Variants in PCDH11X observed in about 807,000 individuals in gnomAD.
PCDH11X encodes the protein protocadherin-11 X-linked.
A neutral mutation model predicts 53.3 loss-of-function variants in PCDH11X; 18 were observed. The ratio of observed to expected loss-of-function variants is 0.34; its 90% CI spans 0.23 to 0.50. The LOEUF (loss-of-function observed/expected upper bound fraction) is 0.50, where lower values mean the gene tolerates loss of function less well. PCDH11X is among the 20% of genes least tolerant of loss of function. The probability of loss-of-function intolerance (pLI) is 0.98; values close to 1 mark genes in which losing one functional copy is unlikely to be tolerated. For missense variants in PCDH11X, 570 were observed against 1,032.4 expected (o/e 0.55, Z 6.14); for synonymous variants, 279 against 393.3 (o/e 0.71, Z 3.44).
chrX:92,222,531 G>A (rs1345098691), intron 7 of PCDH11X, among the ~76,000 whole-genome samples: 2 of 111,673 alleles, frequency 1.8e-5, no homozygotes. Context: ...TTTCTATGAT[G>A]TAGAATTCTT....
intron 6 of PCDH11X, among the ~76,000 whole-genome samples, chrX:91,929,485 C>T (rs1174756927): frequency 9.1e-6 from 1 of 110,316 alleles, no homozygotes; most frequent in Non-Finnish European, 1.9e-5. Flanking sequence ...TTGCCAAGAT[C>T]ACCAGCCTAG....
intron 6 of PCDH11X, among the ~76,000 whole-genome samples, chrX:92,162,698 C>T (rs2065664870): frequency 9.8e-6 from 1 of 101,643 alleles, no homozygotes; most frequent in South Asian, 4.8e-4. Flanking sequence ...TCTTCGGTAT[C>T]CTCAGCTGTG....
chrX:92,416,416 A>G (rs1472874655), intron 9 of PCDH11X, among the ~76,000 whole-genome samples: 2 of 110,976 alleles, frequency 1.8e-5, no homozygotes, highest in Non-Finnish European at 3.8e-5. Flanking sequence ...CTGTATAAAA[A>G]CATCTCATGT....
At position 92,622,745 on chromosome X, in the gene PCDH11X, T is replaced by TA. The variant is rs1158054837; in HGVS notation, c.*3809dup. 3.6e-5 allele frequency: 4 copies of TA among 109,675 alleles called. No individual in the cohort carries two copies. Among genetic ancestry groups the TA allele is most frequent in the Non-Finnish European group, 7.6e-5 (4 of 52,406 alleles). The allele number at this position is 109,675 out of a possible 1,213,427, so 9.0% of individuals were successfully genotyped here. A position where few individuals can be genotyped will look rare whatever the true frequency, so the allele number is the denominator to read the frequency against. On this transcript the variant is annotated 3_prime_UTR_variant, in exon 11 of 11. Coordinates refer to ENST00000682573, the MANE Select transcript of PCDH11X (RefSeq NM_032968.5). ...CCAGATCAATTTTATGCAGAGGCCT[T>TA]AAAATATTCTTTCACAGTAGCTTTC...
At position 92,119,454 on chromosome X, in the gene PCDH11X, G is replaced by A. The variant is rs1311648374; in HGVS notation, c.3034-81921G>A. ...AAAGCAATATGCTATTACAGAACCA[G>A]ACCTTATAGGCAACAAATTACCCAT... On this transcript the variant is annotated intron_variant, in intron 6 of 10. Transcript: ENST00000682573. 2.7e-5 allele frequency among the ~76,000 whole-genome samples: 3 copies of A among 110,916 alleles called. No homozygotes were observed. The East Asian group carries it at 8.5e-4, about 31-fold the overall frequency.
intron 6 of PCDH11X, chrX:91,883,955 C>T (rs1940064421): frequency 4.3e-6 from 3 of 700,001 alleles, no homozygotes; most frequent in East Asian, 1.6e-4. Context: ...TTTGGGAGGC[C>T]GAGGTGGGTG....
At chrX:91,916,966 G>A (rs1372508343) in intron 6 of PCDH11X, among the ~76,000 whole-genome samples, 1 of 111,299 alleles carries the variant, frequency 9.0e-6, no homozygotes, top group Non-Finnish European at 1.9e-5. Context: ...AATCCACCAT[G>A]ATCACGTGGG....
At chrX:92,275,803 G>A (rs2068075153) in intron 8 of PCDH11X, among the ~76,000 whole-genome samples, 1 of 111,415 alleles carries the variant, frequency 9.0e-6, no homozygotes, top group African/African-American at 3.3e-5. Flanking sequence ...CATGCTGTGG[G>A]ATGGGATATT....
intron 6 of PCDH11X, among the ~76,000 whole-genome samples, chrX:91,939,042 G>A: frequency 9.0e-6 from 1 of 111,084 alleles, no homozygotes; most frequent in Non-Finnish European, 1.9e-5. Flanking sequence ...ATAATCAACA[G>A]AAACTGAGAG....
chrX:92,587,115 A>T (rs1924479123), intron 10 of PCDH11X, among the ~76,000 whole-genome samples: 1 of 109,639 alleles, frequency 9.1e-6, no homozygotes, highest in Non-Finnish European at 1.9e-5. Flanking sequence ...GAGAGATCAA[A>T]AGCAATTTTA....
intron 7 of PCDH11X, among the ~76,000 whole-genome samples, chrX:92,214,761 C>T (rs2066658400): frequency 9.0e-6 from 1 of 111,416 alleles, no homozygotes; most frequent in African/African-American, 3.3e-5. Context: ...TAAAGTACTG[C>T]CAGGAGGCCA....
chrX:92,464,894 T>C (rs1400389198), intron 9 of PCDH11X, among the ~76,000 whole-genome samples: 1 of 111,723 alleles, frequency 9.0e-6, no homozygotes, highest in Non-Finnish European at 1.9e-5. Context: ...TTTCATTTTT[T>C]TCATGCTGAT....
chrX:92,434,393 T>C (rs1216708822), intron 9 of PCDH11X, among the ~76,000 whole-genome samples: 7 of 109,734 alleles, frequency 6.4e-5, no homozygotes, highest in Non-Finnish European at 1.3e-4. Flanking sequence ...AGACAAAATG[T>C]AAGTATCAGT....
intron 5 of PCDH11X, among the ~76,000 whole-genome samples, 189 bp downstream of exon 5, chrX:91,836,233 A>G (rs760670632): frequency 4.5e-4 from 50 of 110,342 alleles, no homozygotes; most frequent in African/African-American, 1.6e-3. Flanking sequence ...ATGAATTTTC[A>G]TGGTATGTAT....
intron 10 of PCDH11X, among the ~76,000 whole-genome samples, chrX:92,469,999 T>A (rs1162886469): frequency 1.8e-5 from 2 of 109,121 alleles, no homozygotes; most frequent in East Asian, 5.8e-4. Flanking sequence ...TTTGGGAGTA[T>A]GAATATCTTA....
chrX:92,100,744 C>T (rs1292731518), intron 6 of PCDH11X, among the ~76,000 whole-genome samples: 5 of 108,546 alleles, frequency 4.6e-5, no homozygotes, highest in Non-Finnish European at 9.5e-5. Flanking sequence ...AGTGTTGGGA[C>T]GGTGAAAATT....
chrX:92,392,023 G>A (rs1395669020), intron 9 of PCDH11X, among the ~76,000 whole-genome samples: 37 of 110,890 alleles, frequency 3.3e-4, no homozygotes, highest in Non-Finnish European at 6.1e-4. Context: ...AACAAGTTAT[G>A]TCATCTGTAT....
At chrX:91,956,461 C>T (rs1257662339) in intron 6 of PCDH11X, among the ~76,000 whole-genome samples, 12 of 111,142 alleles carry the variant, frequency 1.1e-4, no homozygotes, top group Non-Finnish European at 1.9e-4. Flanking sequence ...GTGATGAATT[C>T]CCTTAGCCTT....
intron 1 of PCDH11X, among the ~76,000 whole-genome samples, chrX:91,780,330 A>G (rs1308285873): frequency 9.0e-6 from 1 of 111,646 alleles, no homozygotes; most frequent in South Asian, 3.8e-4. Flanking sequence ...TTCCCGCCCT[A>G]TTTTTATGGG....
Sources: gnomAD v4.1 joint callset for allele counts (sites outside exome capture counted in the v4.1 genomes callset) on GRCh38, gnomAD v4.1.1 for gene constraint, MANE v1.5 for transcripts, NCBI Gene and HGNC (gene_info 2026-07-23, HGNC 2026-07-21) for gene names.